The following FAT4 variants were observed in gnomAD, a reference collection of about 807,000 sequenced individuals.
FAT4 encodes the protein protocadherin Fat 4.
FAT4 carries 84 observed loss-of-function variants against 303.9 expected under a neutral mutation model. The ratio of observed to expected loss-of-function variants is 0.28; its 90% confidence interval spans 0.23 to 0.33. FAT4 has a LOEUF of 0.33. Among genes scored for constraint, FAT4 ranks in the 10% least tolerant of loss-of-function variants. The pLI, the probability that FAT4 is intolerant of heterozygous loss-of-function variation, is 1.00. For synonymous variants in FAT4, 2,307 were observed against 2,298.8 expected (o/e 1.00, Z -0.10); for missense variants, 6,005 against 6,146.8 (o/e 0.98, Z 0.77).
At chr4:125,445,792 C>T (rs1725804443) in intron 8 of FAT4, among the ~76,000 whole-genome samples, 1 of 152,096 alleles carries the variant, frequency 6.6e-6, no homozygotes, top group African/African-American at 2.4e-5. Context: ...TATAAATAAT[C>T]AGTCCTTGAG....
chr4:125,415,139 T>A lies in FAT4; in HGVS notation c.6176T>A (p.Ile2059Asn). 6.2e-7 allele frequency: 1 copy of A among 1,614,050 alleles called. No individual in the cohort carries two copies. The highest frequency in any genetic ancestry group is 8.5e-7 in the Non-Finnish European group (1 of 1,179,958). The change falls in exon 6 of 18, where the codon ATT becomes AAT. Residue 2059 changes from isoleucine to asparagine, a missense_variant. By Grantham distance (149) the Ile-to-Asn change is moderately radical. Transcript: ENST00000394329. ...PTFLSPKLTY[I>N]PENTPIDTVV... is the part of the protein sequence containing the mutation. ...TTTCTTTCCCCTAAATTGACATACA[T>A]TCCAGAAAATACACCTATTGATACT...
intron 7 of FAT4, among the ~76,000 whole-genome samples, chr4:125,419,519 G>A (rs922899756): frequency 7.9e-5 from 12 of 152,126 alleles, no homozygotes; most frequent in African/African-American, 2.7e-4. Context: ...CCTGCATGGT[G>A]CATTATTCAA....
chr4:125,449,704 A>C lies in FAT4; in HGVS notation c.8694A>C (p.Ala2898=). Reference sequence around the variant, plus strand: ...GCTCCAAAGTAACTCAGGTATTTGCAACAGATCCTGATGAGGGATCAAATG... The same window carrying C: ...GCTCCAAAGTAACTCAGGTATTTGCCACAGATCCTGATGAGGGATCAAATG... ...EIGSKVTQVF[A]TDPDEGSNGQ... The change falls in exon 10 of 18, where the codon GCA becomes GCC. Residue 2898 remains alanine (A), a synonymous_variant. Transcript: ENST00000394329. The C allele has an allele frequency of 6.2e-7, 1 of 1,613,996 alleles. No individual in the cohort carries two copies. The highest frequency in any genetic ancestry group is 8.5e-7 in the Non-Finnish European group (1 of 1,179,920).
Position 125,321,566 on chromosome 4 carries a change from C to T in FAT4, c.5155C>T (p.Pro1719Ser). 6.2e-7 allele frequency: 1 copy of T among 1,610,458 alleles called. No homozygotes were observed. Among genetic ancestry groups the T allele is most frequent in the East Asian group, 2.2e-5 (1 of 44,820 alleles). ...VYAIEKSTAF[P>S]RTQRAEVEIT... ...TGCCATAGAAAAATCAACTGCTTTT[C>T]CCAGAACACAGAGAGCAGAGGTAAT... Residue 1719 changes from proline to serine, a missense_variant, in exon 2 of 18, where the codon CCC becomes TCC. Pro to Ser is a moderately conservative substitution (Grantham distance 74, BLOSUM62 -1). Transcript: ENST00000394329.
chr4:125,374,085 A>AT (rs943686085), intron 2 of FAT4, among the ~76,000 whole-genome samples: 1 of 152,020 alleles, frequency 6.6e-6, no homozygotes, highest in Non-Finnish European at 1.5e-5. Context: ...TTGGCTTGGG[A>AT]TTTTTTTATT....
chr4:125,472,137 T>C (rs1431316778), intron 12 of FAT4, among the ~76,000 whole-genome samples: 3 of 150,358 alleles, frequency 2.0e-5, no homozygotes, highest in African/African-American at 7.3e-5. Context: ...AAAGGAATTG[T>C]GTAAAATGTT....
Position 125,317,496 on chromosome 4 carries a change from C to G in FAT4, c.1085C>G (p.Ser362Trp), listed in dbSNP as rs1466892561. 12 of 1,613,788 alleles carry G rather than the reference C, an allele frequency of 7.4e-6. No individual in the cohort carries two copies. The highest frequency in any genetic ancestry group is 1.0e-5 in the Non-Finnish European group (12 of 1,180,042). The change falls in exon 2 of 18, where the codon TCG (serine) becomes TGG (tryptophan). Residue 362 changes from serine (S) to tryptophan (W), a missense_variant. Physicochemically the swap from Ser to Trp is radical, Grantham distance 177. Coordinates refer to ENST00000394329, the MANE Select transcript of FAT4 (RefSeq NM_001291303.3). The surrounding 1 kb of genome is among the most constrained non-coding windows in gnomAD (Gnocchi z 7.0). The part of the protein sequence containing the change: ...VVKFRYFPAT[S>W]RYASVDENAQ... ...AAGTTCCGCTACTTCCCGGCCACCT[C>G]GCGCTACGCCTCGGTAGATGAGAAT...
intron 11 of FAT4, among the ~76,000 whole-genome samples, chr4:125,464,289 C>T (rs916198656): frequency 3.3e-5 from 5 of 152,040 alleles, no homozygotes; most frequent in Admixed American, 1.3e-4. Context: ...TTTATTCACC[C>T]TAGTGGAATG....
chr4:125,424,388 G>C (rs1725017911), intron 7 of FAT4, among the ~76,000 whole-genome samples: 1 of 152,128 alleles, frequency 6.6e-6, no homozygotes, highest in Non-Finnish European at 1.5e-5. Flanking sequence ...TCTCTCTCCT[G>C]CTGCCTTGTG....
intron 2 of FAT4, among the ~76,000 whole-genome samples, chr4:125,341,439 T>C (rs998457901): frequency 7.9e-5 from 12 of 152,088 alleles, no homozygotes; most frequent in Admixed American, 7.9e-4. Flanking sequence ...ACCTCAAGTG[T>C]TTCTTATTTC....
At chr4:125,327,194 GGAA>G in intron 2 of FAT4, among the ~76,000 whole-genome samples, 1 of 152,114 alleles carries the variant, frequency 6.6e-6, no homozygotes. Context: ...TCTAGAGCAG[GGAA>G]GAAGATGAGA....
At chr4:125,447,635 C>A (rs1353527785) in intron 9 of FAT4, among the ~76,000 whole-genome samples, 1 of 151,976 alleles carries the variant, frequency 6.6e-6, no homozygotes, top group African/African-American at 2.4e-5. Context: ...AGATATTTTA[C>A]TTTTGTTACC....
chr4:125,475,408 A>G (rs1726994373), intron 12 of FAT4, among the ~76,000 whole-genome samples: 1 of 152,066 alleles, frequency 6.6e-6, no homozygotes. Context: ...GACTTTGTTT[A>G]TCAATCAAAA....
rs1317361088 is a variant in FAT4 at position 125,415,646 on chromosome 4, C to T, written c.6683C>T (p.Thr2228Ile). The T allele has an allele frequency of 2.5e-6, 4 of 1,614,078 alleles. No homozygotes were observed. In the South Asian group the frequency reaches 3.3e-5, roughly 13 times the overall value. The change falls in exon 6 of 18, where the codon ACT becomes ATT. Residue 2228 changes from threonine (T) to isoleucine (I), a missense_variant. Transcript: ENST00000394329. ...DREKTPTYHL[T>I]VQATDRGSTP... ...GAAAAGACCCCTACCTACCATTTAA[C>T]TGTTCAGGCAACAGATCGAGGCAGC... is the stretch of plus-strand genomic sequence containing the variant.
At chr4:125,469,664 G>T (rs1377206314) in intron 12 of FAT4, among the ~76,000 whole-genome samples, 4 of 152,056 alleles carry the variant, frequency 2.6e-5, no homozygotes, top group Non-Finnish European at 5.9e-5. Flanking sequence ...TGTTTGTTTT[G>T]CAAGATTGTA....
chr4:125,403,278 G>GT (rs1734459731), intron 3 of FAT4, among the ~76,000 whole-genome samples: 1 of 152,066 alleles, frequency 6.6e-6, no homozygotes, highest in African/African-American at 2.4e-5. Context: ...GAGAGGTTAA[G>GT]TATGTGGTCC....
At chr4:125,415,845 T>C in intron 6 of FAT4, 39 bp downstream of exon 6, 3 of 1,463,834 alleles carry the variant, frequency 2.0e-6, no homozygotes, top group Non-Finnish European at 2.8e-6. Context: ...GTCTTAATTA[T>C]AAGACATCTA....
chr4:125,357,438 A>G (rs1732475969), intron 2 of FAT4, among the ~76,000 whole-genome samples: 1 of 152,168 alleles, frequency 6.6e-6, no homozygotes, highest in Non-Finnish European at 1.5e-5. Flanking sequence ...CAGGTAATAA[A>G]TAGATTATTC....
Position 125,449,519 on chromosome 4 carries a change from A to C in FAT4, c.8509A>C (p.Arg2837=). Reference sequence around the variant, plus strand: ...TATTGTCATAAGCAGACCTTTAAATAGGGAAGATACAGACCGTTACAGAAT... The same window carrying C: ...TATTGTCATAAGCAGACCTTTAAATCGGGAAGATACAGACCGTTACAGAAT... ...GDIVISRPLN[R]EDTDRYRIRV... Residue 2837 remains arginine (R), a synonymous_variant, in exon 10 of 18, where the codon AGG becomes CGG. Transcript: ENST00000394329. 1 of 1,613,908 alleles carries C rather than the reference A, an allele frequency of 6.2e-7. No individual in the cohort carries two copies.
Sources: gnomAD v4.1 joint callset for allele counts (sites outside exome capture counted in the v4.1 genomes callset) on GRCh38, gnomAD v4.1.1 for gene constraint, Gnocchi (gnomAD v3.1) non-coding constraint, MANE v1.5 for transcripts, NCBI Gene and HGNC (gene_info 2026-07-23, HGNC 2026-07-21) for gene names.